Variants in SAMD12 observed in about 807,000 individuals in gnomAD.
SAMD12 encodes the protein sterile alpha motif domain containing 12, also known as sterile alpha motif domain-containing protein 12.
Under a neutral mutation model 15.0 loss-of-function variants are expected in SAMD12, and 9 were observed. The ratio of observed to expected loss-of-function variants is 0.60; its 90% CI spans 0.36 to 1.05. The LOEUF is 1.05. SAMD12 is among the 50% of genes least tolerant of loss of function. The probability of loss-of-function intolerance (pLI) is 0.01; values close to 1 mark genes in which losing one functional copy is unlikely to be tolerated. For missense variants in SAMD12, 230 were observed against 234.2 expected (o/e 0.98, Z 0.12); for synonymous variants, 86 against 90.1 (o/e 0.96, Z 0.25).
chr8:118,360,863 CAG>C (rs1818463361), intron 4 of SAMD12, among the ~76,000 whole-genome samples: 1 of 152,146 alleles, frequency 6.6e-6, no homozygotes, highest in African/African-American at 2.4e-5. Flanking sequence ...TCTGGAGAAA[CAG>C]AGCAGAAAGC....
intron 4 of SAMD12, among the ~76,000 whole-genome samples, chr8:118,347,185 T>TA (rs1294193015): frequency 1.4e-5 from 2 of 147,492 alleles, no homozygotes; most frequent in African/African-American, 2.4e-5. Flanking sequence ...TGCCTTGGCC[T>TA]ACCAAAGTGC....
In SAMD12 at chr8:118,281,406, AGTGACTGT is replaced by A. The variant is rs369418432; in HGVS notation, c.434-83682_434-83675del. 8.4e-3 allele frequency among the ~76,000 whole-genome samples: 1,281 copies of A among 152,350 alleles called. 11 individuals carry two copies. Among genetic ancestry groups the A allele is most frequent in the Middle Eastern group, 0.017 (5 of 294 alleles). On this transcript the variant is annotated intron_variant, in intron 4 of 4. Transcript: ENST00000409003. The stretch of plus-strand genomic sequence containing the variant: ...GCCTGGAATGCAGATGCCATGAGAC[AGTGACTGT>A]TTCCTTCTGGCTCACTCCTGACTTG...
chr8:118,230,639 A>C (rs1812292229), intron 4 of SAMD12, among the ~76,000 whole-genome samples: 1 of 152,082 alleles, frequency 6.6e-6, no homozygotes, highest in South Asian at 2.1e-4. Flanking sequence ...CACCGAGAAA[A>C]ATGCATTTAT....
chr8:118,554,904 A>G (rs932956308), intron 2 of SAMD12, among the ~76,000 whole-genome samples: 1 of 152,124 alleles, frequency 6.6e-6, no homozygotes, highest in Non-Finnish European at 1.5e-5. Flanking sequence ...CACATGAGCC[A>G]ATTTTTTAAA....
intron 4 of SAMD12, among the ~76,000 whole-genome samples, chr8:118,235,217 CTT>C (rs201202959): frequency 1.5e-4 from 22 of 144,834 alleles, no homozygotes; most frequent in Admixed American, 2.1e-4. Flanking sequence ...TATTATAAGT[CTT>C]TTTTTTTTTT....
At chr8:118,618,793 C>T (rs932838341) in intron 1 of SAMD12, among the ~76,000 whole-genome samples, 26 of 149,440 alleles carry the variant, frequency 1.7e-4, no homozygotes, top group Non-Finnish European at 1.3e-4. Context: ...GAGCCGAGAT[C>T]GCGCCACTGC....
chr8:118,377,354 C>T (rs543090506), downstream of SAMD12, among the ~76,000 whole-genome samples: 121 of 152,098 alleles, frequency 8.0e-4, no homozygotes, highest in East Asian at 0.019. Context: ...GCCAAGATTG[C>T]GCCACTGCAC....
chr8:118,172,815 T>G, the SAMD12 span, among the ~76,000 whole-genome samples: 1 of 152,186 alleles, frequency 6.6e-6, no homozygotes, highest in Admixed American at 6.5e-5. Flanking sequence ...TATAGTTTTG[T>G]TAACTATAGG....
chr8:118,146,889 T>C, the SAMD12 span, among the ~76,000 whole-genome samples: 2 of 152,240 alleles, frequency 1.3e-5, no homozygotes, highest in South Asian at 2.1e-4. Context: ...AAAATAATCA[T>C]AAATTTGAAG....
chr8:118,467,705 G>A lies in SAMD12; in HGVS notation c.193-27744C>T, dbSNP rs960262293. ...ATTTGGAGACTGGCACAGGTCAAAC[G>A]TGCTAGTTAGTAAGGATCTGTTTGA... On this transcript the variant is annotated intron_variant, in intron 2 of 3. Transcript: ENST00000314727. Among the ~76,000 whole-genome samples the A allele has an allele frequency of 4.8e-4, 73 of 152,158 alleles. 1 individual carries two copies. The highest frequency in any genetic ancestry group is 1.6e-3 in the African/African-American group (67 of 41,414).
At chr8:118,471,269 T>C (rs1563880359) in intron 2 of SAMD12, among the ~76,000 whole-genome samples, 1 of 152,184 alleles carries the variant, frequency 6.6e-6, no homozygotes, top group African/African-American at 2.4e-5. Context: ...AATTGTGCTA[T>C]TAAAAGCATC....
At chr8:118,219,904 T>G (rs549336469) in intron 4 of SAMD12, among the ~76,000 whole-genome samples, 9 of 152,336 alleles carry the variant, frequency 5.9e-5, no homozygotes, top group African/African-American at 2.2e-4. Context: ...TTGTGAGATA[T>G]AATAAAACAG....
Position 118,621,916 on chromosome 8 carries a change from C to T in SAMD12, c.-100G>A, listed in dbSNP as rs754832324. The T allele has an allele frequency of 5.8e-6, 8 of 1,383,696 alleles. No individual in the cohort carries two copies. Among genetic ancestry groups the T allele is most frequent in the South Asian group, 1.2e-5 (1 of 86,164 alleles). 85.7% of individuals were successfully genotyped at this position (1,383,696 alleles called of 1,614,324 possible). A position where few individuals can be genotyped will look rare whatever the true frequency, so the allele number is the denominator to read the frequency against. The stretch of plus-strand genomic sequence containing the variant: ...CTCTCGCTTTCGCCTAAATATTCTG[C>T]GCTTATCTGCTCCAGGACCAACCTG... On this transcript the variant is annotated 5_prime_UTR_variant, in exon 1 of 4. Transcript: ENST00000314727.
chr8:118,252,218 G>T (rs1025775417), intron 4 of SAMD12, among the ~76,000 whole-genome samples: 9 of 152,160 alleles, frequency 5.9e-5, no homozygotes, highest in African/African-American at 2.2e-4. Flanking sequence ...TCTATGCCTG[G>T]TAAGAAATGA....
intron 2 of SAMD12, among the ~76,000 whole-genome samples, chr8:118,452,169 G>T (rs113580754): frequency 1.4e-4 from 21 of 152,060 alleles, no homozygotes; most frequent in Non-Finnish European, 2.9e-4. Flanking sequence ...TCGGCACCAT[G>T]ATCTCAGACT....
chr8:118,522,380 A>C (rs554197369), intron 2 of SAMD12, among the ~76,000 whole-genome samples: 8 of 152,128 alleles, frequency 5.3e-5, no homozygotes, highest in Non-Finnish European at 1.2e-4. Flanking sequence ...ACCTAAGCAT[A>C]TTGATGCTAG....
the SAMD12 span, among the ~76,000 whole-genome samples, chr8:118,165,639 T>C: frequency 7.2e-5 from 10 of 138,296 alleles, no homozygotes; most frequent in South Asian, 1.1e-3. Flanking sequence ...TATATATACA[T>C]ATATATATAT....
At chr8:118,183,879 C>A in the SAMD12 span, among the ~76,000 whole-genome samples, 1 of 152,060 alleles carries the variant, frequency 6.6e-6, no homozygotes, top group Admixed American at 6.6e-5. Context: ...CTCTGTATGC[C>A]TTTGCATACC....
At chr8:118,611,190 T>G (rs1440070439) in intron 1 of SAMD12, among the ~76,000 whole-genome samples, 1 of 152,202 alleles carries the variant, frequency 6.6e-6, no homozygotes, top group Non-Finnish European at 1.5e-5. Flanking sequence ...TTCTAACTGA[T>G]GGGAAGTGAA....
Sources: gnomAD v4.1 joint callset for allele counts (sites outside exome capture counted in the v4.1 genomes callset) on GRCh38, gnomAD v4.1.1 for gene constraint, MANE v1.5 for transcripts, NCBI Gene and HGNC (gene_info 2026-07-23, HGNC 2026-07-21) for gene names.